SYT3: variants seen among roughly 807,000 people sequenced by gnomAD.
The protein encoded by SYT3 is synaptotagmin-3.
A neutral mutation model predicts 50.6 loss-of-function variants in SYT3; 25 were observed. That is an observed-to-expected ratio of 0.49 (90% confidence interval 0.36 to 0.69). The LOEUF is 0.69. Among genes scored for constraint, SYT3 ranks in the 30% least tolerant of loss-of-function variants. The probability of loss-of-function intolerance (pLI) is 0.00; values close to 1 mark genes in which losing one functional copy is unlikely to be tolerated. For missense variants in SYT3, 589 were observed against 793.6 expected (o/e 0.74, Z 3.10); for synonymous variants, 323 against 353.9 (o/e 0.91, Z 0.98).
chr19:50,635,856 T>C lies in SYT3; in HGVS notation c.148+1408A>G, dbSNP rs926322068. Reference sequence around the variant, plus strand: ...TGTGACTCCACTGGGAGAGGATGACTGGAAGCTCACACCTGGTCTGTCCTG... The same window carrying C: ...TGTGACTCCACTGGGAGAGGATGACCGGAAGCTCACACCTGGTCTGTCCTG... On this transcript the variant is annotated intron_variant, in intron 3 of 10. Coordinates refer to ENST00000600079, the MANE Select transcript of SYT3 (RefSeq NM_001160329.2). Among the ~76,000 whole-genome samples the C allele has an allele frequency of 3.3e-5, 5 of 152,226 alleles. No individual in the cohort carries two copies. In the South Asian group the frequency reaches 1.0e-3, roughly 32 times the overall value.
chr19:50,637,343 C>G lies in SYT3; in HGVS notation c.69G>C (p.Arg23=). Residue 23 remains arginine (R), a synonymous_variant, in exon 3 of 11, where the codon CGG becomes CGC. Transcript: ENST00000600079. The surrounding 1 kb of genome is among the most constrained non-coding windows in gnomAD (Gnocchi z 4.9). ...TGTCGTTGGTGTCAGCATCTCGGAC[C>G]CGCGCACAGAGGTCCGAGACCAGGA... ...ALILVSDLCA[R]VRDADTNDRC... is the part of the protein sequence containing the mutation. 6.2e-7 allele frequency: 1 copy of G among 1,612,892 alleles called. No homozygotes were observed. The highest frequency in any genetic ancestry group is 8.5e-7 in the Non-Finnish European group (1 of 1,179,836).
At chr19:50,655,927 C>T in the SYT3 span, 8 of 927,650 alleles carry the variant, frequency 8.6e-6, no homozygotes, top group Non-Finnish European at 1.3e-5. Context: ...GAGACAGTAA[C>T]TCAACATCTG....
intron 9 of SYT3, among the ~76,000 whole-genome samples, chr19:50,623,142 T>C (rs1983909938): frequency 6.6e-6 from 1 of 151,444 alleles, no homozygotes; most frequent in Admixed American, 6.6e-5. Context: ...CTGAAATTCA[T>C]GGGCAGTGTC....
At chr19:50,655,475 C>T in the SYT3 span, among the ~76,000 whole-genome samples, 1 of 151,944 alleles carries the variant, frequency 6.6e-6, no homozygotes, top group Non-Finnish European at 1.5e-5. Flanking sequence ...ACAGTGAAAC[C>T]CCGTCTCTAC....
the SYT3 span, among the ~76,000 whole-genome samples, chr19:50,653,509 C>T: frequency 3.3e-5 from 5 of 151,904 alleles, no homozygotes; most frequent in East Asian, 1.9e-4. Context: ...AAGGGGATCC[C>T]GTGAAAATGT....
In SYT3 at chr19:50,628,985, G is replaced by A. The variant is rs567263109; in HGVS notation, c.1281+309C>T. On this transcript the variant is annotated intron_variant, in intron 6 of 10. Transcript: ENST00000600079. ...ATTACAGGCATGTGCCACCATGCCC[G>A]GCTAATTTTTGTATTTTTAGTAGAG... 1.0e-3 allele frequency among the ~76,000 whole-genome samples: 152 copies of A among 151,950 alleles called. No homozygotes were observed. In the Middle Eastern group the frequency reaches 0.01, roughly 10 times the overall value.
At position 50,629,783 on chromosome 19, in the gene SYT3, C is replaced by T; in HGVS notation, c.1062+1G>A. On this transcript the variant is annotated splice_donor_variant, in intron 5 of 10. Coordinates refer to ENST00000600079, the MANE Select transcript of SYT3 (RefSeq NM_001160329.2). LOFTEE classifies it high-confidence loss of function. ...CCGGTGTCCAGCCCGCTGCTCCGGA[C>T]CTTGGTCTGAAACTTTTTCTTGCGG... 1 of 1,611,892 alleles carries T rather than the reference C, an allele frequency of 6.2e-7. No homozygotes were observed. Among genetic ancestry groups the T allele is most frequent in the East Asian group, 2.2e-5 (1 of 44,832 alleles).
At position 50,629,419 on chromosome 19, in the gene SYT3, C is replaced by T. The variant is rs200430574; in HGVS notation, c.1156G>A (p.Val386Ile). Residue 386 changes from valine to isoleucine, a missense_variant, in exon 6 of 11, where the codon GTC becomes ATC. Physicochemically the swap from Val to Ile is conservative, Grantham distance 29. This residue lies in a region of SYT3 where 273 missense variants were observed against 439.3 expected (regional missense o/e 0.62). Coordinates refer to ENST00000600079, the MANE Select transcript of SYT3 (RefSeq NM_001160329.2). ...CGCGAGAAGCGGTCAAAGTCATAGA[C>T]GCTGAAGTGCAGTTTGCGTTGGGCC... ...ELAQRKLHFS[V>I]YDFDRFSRHD... 21 of 1,614,060 alleles carry T rather than the reference C, an allele frequency of 1.3e-5. No homozygotes were observed. The highest frequency in any genetic ancestry group is 2.2e-5 in the East Asian group (1 of 44,872).
Position 50,625,986 on chromosome 19 carries a change from G to T in SYT3, c.1313C>A (p.Ser438Ter). 1 of 1,614,098 alleles carries T rather than the reference G, an allele frequency of 6.2e-7. No homozygotes were observed. Residue 438 changes from serine to a stop codon, truncating the protein, a stop_gained, in exon 7 of 11, where the codon TCA (serine) becomes TAA (stop). Transcript: ENST00000600079. LOFTEE classifies it high-confidence loss of function. The surrounding 1 kb of genome is among the most constrained non-coding windows in gnomAD (Gnocchi z 7.5). The stretch of plus-strand genomic sequence containing the variant: ...CCCGGCCGTGGGGAGGTAGCAGAGT[G>T]AGAAGTTGAGCTCCCCAAGATCTGC... ...EKADLGELNFSLCYLPTAGRL... is the reference protein window; with the variant it reads ...EKADLGELNF
upstream of SYT3, among the ~76,000 whole-genome samples, chr19:50,643,250 AG>A (rs1984707715): frequency 4.6e-5 from 7 of 152,148 alleles, no homozygotes; most frequent in South Asian, 1.5e-3. Context: ...ACACACCTGT[AG>A]TCCCACCTGC....
At chr19:50,654,437 G>A in the SYT3 span, among the ~76,000 whole-genome samples, 1 of 151,908 alleles carries the variant, frequency 6.6e-6, no homozygotes, top group Non-Finnish European at 1.5e-5. Flanking sequence ...CGAGTAGCTG[G>A]GACTACAGGC....
At chr19:50,645,263 A>G in the SYT3 span, among the ~76,000 whole-genome samples, 4 of 152,194 alleles carry the variant, frequency 2.6e-5, no homozygotes, top group Non-Finnish European at 5.9e-5. Context: ...TGGGACAGGG[A>G]TGGCCCAGAG....
the SYT3 span, among the ~76,000 whole-genome samples, chr19:50,648,133 T>C: frequency 4.6e-5 from 7 of 152,232 alleles, no homozygotes; most frequent in African/African-American, 1.7e-4. Flanking sequence ...CCTCGTGTTG[T>C]CTTTGCTCTC....
intron 4 of SYT3, 89 bp from the exon 5 acceptor site, chr19:50,630,260 T>TC: frequency 7.6e-7 from 1 of 1,322,136 alleles, no homozygotes. Context: ...TCCCTGCCTT[T>TC]CCCCCCATCC....
intron 3 of SYT3, among the ~76,000 whole-genome samples, chr19:50,633,714 G>T (rs1984400147): frequency 6.6e-6 from 1 of 152,208 alleles, no homozygotes; most frequent in Non-Finnish European, 1.5e-5. Flanking sequence ...ATCTTGAGGG[G>T]TGATTACATA....
At chr19:50,629,235 G>C in intron 6 of SYT3, 59 bp downstream of exon 6, 1 of 1,413,492 alleles carries the variant, frequency 7.1e-7, no homozygotes, top group South Asian at 1.4e-5. Context: ...CAGGGGGCTT[G>C]CAACCCGGGG....
At chr19:50,655,981 A>C in the SYT3 span, 2 of 1,421,626 alleles carry the variant, frequency 1.4e-6, no homozygotes, top group Non-Finnish European at 1.9e-6. Context: ...GCAATTGGTG[A>C]TGGCCATTTA....
chr19:50,630,500 G>A (rs1984263836), intron 4 of SYT3, among the ~76,000 whole-genome samples: 1 of 150,890 alleles, frequency 6.6e-6, no homozygotes, highest in Non-Finnish European at 1.5e-5. Flanking sequence ...TCGGCCCACT[G>A]CAAACTCTGC....
At chr19:50,627,233 C>T (rs1031577777) in intron 6 of SYT3, among the ~76,000 whole-genome samples, 1 of 152,182 alleles carries the variant, frequency 6.6e-6, no homozygotes, top group Non-Finnish European at 1.5e-5. Context: ...GAACACTCTT[C>T]CCTCTATCTC....
Sources: gnomAD v4.1 joint callset for allele counts (sites outside exome capture counted in the v4.1 genomes callset) on GRCh38, gnomAD v4.1.1 for gene constraint, gnomAD v4.1.1 regional missense constraint, Gnocchi (gnomAD v3.1) non-coding constraint, MANE v1.5 for transcripts, NCBI Gene and HGNC (gene_info 2026-07-23, HGNC 2026-07-21) for gene names.